Variants in RFC2 observed in about 807,000 individuals in gnomAD.
RFC2 encodes the protein replication factor C subunit 2.
RFC2 carries 34 observed loss-of-function variants against 44.8 expected under a neutral mutation model. The ratio of observed to expected loss-of-function variants is 0.76; its 90% CI spans 0.58 to 1.01. RFC2 has a LOEUF of 1.01. Ranked by LOEUF, RFC2 falls within the 50% of genes least tolerant of loss-of-function variation. RFC2 has a pLI of 0.00. For missense variants in RFC2, 400 were observed against 453.6 expected, an observed-to-expected ratio of 0.88 and a Z score of 1.07; for synonymous variants, 177 against 168.9, an observed-to-expected ratio of 1.05 and a Z score of -0.37.
Position 74,240,048 on chromosome 7 carries a change from C to T in RFC2, c.583G>A (p.Asp195Asn), listed in dbSNP as rs1554719030. ...CAVLRYTKLTDAQILTRLMNV... is the reference protein window; with the variant it reads ...CAVLRYTKLTNAQILTRLMNV... ...ATCAGCCTGGTGAGGATCTGGGCGT[C>T]GGTCAGCTTTGTGTACCGGAGGACT... Residue 195 changes from aspartate (D) to asparagine (N), a missense_variant, in exon 7 of 11, where the codon GAC (aspartate) becomes AAC (asparagine). Asp to Asn is a conservative substitution (Grantham distance 23, BLOSUM62 1). Transcript: ENST00000055077. 1.2e-6 allele frequency: 2 copies of T among 1,614,084 alleles called. No homozygotes were observed. Among genetic ancestry groups the T allele is most frequent in the Non-Finnish European group, 1.7e-6 (2 of 1,179,984 alleles).
chr7:74,246,538 T>C (rs1314926723), intron 5 of RFC2, 124 bp downstream of exon 5: 4 of 580,720 alleles, frequency 6.9e-6, no homozygotes, highest in East Asian at 6.0e-5. Flanking sequence ...CAGGCCCCTA[T>C]TAAATTGCTT....
intron 4 of RFC2, among the ~76,000 whole-genome samples, chr7:74,248,503 T>TG (rs1180323758): frequency 6.7e-6 from 1 of 148,334 alleles, no homozygotes; most frequent in Non-Finnish European, 1.5e-5. Flanking sequence ...AAAAACTAGT[T>TG]GGTTTTTTTT....
chr7:74,253,885 T>C (rs1304021782), intron 1 of RFC2, among the ~76,000 whole-genome samples: 3 of 152,194 alleles, frequency 2.0e-5, no homozygotes, highest in African/African-American at 7.2e-5. Flanking sequence ...GTAAATGTTA[T>C]TGAACCTAAC....
In RFC2 at chr7:74,237,393, C is replaced by A; in HGVS notation, c.809G>T (p.Cys270Phe). ...GGCTTCGTCAATGTTGGCATTCACA[C>A]AGTGCTGGATCATCTCCTTTACCAG... is the stretch of plus-strand genomic sequence containing the variant. ...PLLVKEMIQH[C>F]VNANIDEAYK... The change falls in exon 9 of 11, where the codon TGT becomes TTT. Residue 270 changes from cysteine to phenylalanine, a missense_variant. Cys to Phe is a radical substitution (Grantham distance 205). Coordinates refer to ENST00000055077, the MANE Select transcript of RFC2 (RefSeq NM_181471.3). 1 of 1,606,148 alleles carries A rather than the reference C, an allele frequency of 6.2e-7. No homozygotes were observed. The highest frequency in any genetic ancestry group is 1.1e-5 in the South Asian group (1 of 89,214).
chr7:74,254,100 C>T (rs1554721516), intron 1 of RFC2, among the ~76,000 whole-genome samples, 171 bp downstream of exon 1: 1 of 152,176 alleles, frequency 6.6e-6, no homozygotes, highest in Non-Finnish European at 1.5e-5. Flanking sequence ...CGGCCACTCT[C>T]GATCCATGTC....
intron 4 of RFC2, 126 bp from the exon 5 acceptor site, chr7:74,246,889 G>A: frequency 5.8e-6 from 3 of 519,532 alleles, no homozygotes; most frequent in Admixed American, 3.7e-5. Flanking sequence ...TTTTTTTGGG[G>A]GGCAATTGTA....
At chr7:74,250,657 C>T (rs1393635234) in intron 2 of RFC2, among the ~76,000 whole-genome samples, 3 of 152,132 alleles carry the variant, frequency 2.0e-5, no homozygotes, top group African/African-American at 7.2e-5. Context: ...CTCTCCATCC[C>T]GGCTACCACT....
intron 1 of RFC2, among the ~76,000 whole-genome samples, chr7:74,253,352 C>T (rs1016046922): frequency 4.6e-5 from 7 of 151,884 alleles, no homozygotes; most frequent in Admixed American, 6.6e-5. Context: ...GGATTACTGG[C>T]GTGAGCCACC....
intron 10 of RFC2, chr7:74,233,668 T>A: frequency 2.7e-6 from 1 of 369,192 alleles, no homozygotes; most frequent in African/African-American, 2.1e-5. Flanking sequence ...GGGTGTGATC[T>A]CAGCTCACTG....
intron 9 of RFC2, among the ~76,000 whole-genome samples, chr7:74,236,785 T>G (rs1803035293): frequency 6.6e-6 from 1 of 152,128 alleles, no homozygotes. Flanking sequence ...TGAATTCTAG[T>G]TCTACTGCTT....
At chr7:74,251,598 G>C (rs1209891775) in intron 2 of RFC2, among the ~76,000 whole-genome samples, 1 of 151,658 alleles carries the variant, frequency 6.6e-6, no homozygotes, top group Non-Finnish European at 1.5e-5. Context: ...AGGAGTTCAA[G>C]ACCAGCCTGG....
At position 74,249,751 on chromosome 7, in the gene RFC2, G is replaced by A; in HGVS notation, c.213C>T (p.Asn71=). Residue 71 remains asparagine (N), a synonymous_variant, in exon 3 of 11, where the codon AAC becomes AAT. Coordinates refer to ENST00000055077, the MANE Select transcript of RFC2 (RefSeq NM_181471.3). ...EVFAREGNVP[N]IIIAGPPGTG... Reference sequence around the variant, plus strand: ...GCTGGGTACTCACCGCAATGATGATGTTGGGCACATTTCCTTCCCTTGCAA... The same window carrying A: ...GCTGGGTACTCACCGCAATGATGATATTGGGCACATTTCCTTCCCTTGCAA... The A allele has an allele frequency of 1.2e-6, 2 of 1,613,688 alleles. No individual in the cohort carries two copies. The highest frequency in any genetic ancestry group is 1.7e-6 in the Non-Finnish European group (2 of 1,179,682).
intron 8 of RFC2, 52 bp from the exon 9 acceptor site, chr7:74,237,494 C>A (rs1454505225): frequency 7.9e-7 from 1 of 1,268,648 alleles, no homozygotes. Flanking sequence ...ACAATGTGAG[C>A]GGGGAGGCCC....
intron 5 of RFC2, among the ~76,000 whole-genome samples, chr7:74,244,096 CAAAAAAAAA>C (rs1179272254): frequency 2.4e-5 from 1 of 41,636 alleles, no homozygotes; most frequent in African/African-American, 7.6e-5. Flanking sequence ...ACTAAAAATA[CAAAAAAAAA>C]AAAAAAAAAA....
At chr7:74,251,872 C>A (rs1554721125) in intron 2 of RFC2, among the ~76,000 whole-genome samples, 5 of 137,112 alleles carry the variant, frequency 3.6e-5, no homozygotes, top group East Asian at 2.2e-4. Flanking sequence ...CCGAGGTGGG[C>A]AGATCACGAG....
At chr7:74,241,209 G>A (rs1365919061) in intron 6 of RFC2, among the ~76,000 whole-genome samples, 1 of 152,198 alleles carries the variant, frequency 6.6e-6, no homozygotes, top group African/African-American at 2.4e-5. Context: ...GGGATTACAG[G>A]CATGAGCCAC....
At chr7:74,239,101 G>T in intron 7 of RFC2, 113 bp from the exon 8 acceptor site, 1 of 783,346 alleles carries the variant, frequency 1.3e-6, no homozygotes. Flanking sequence ...GGGCTTAAGC[G>T]ATTCTCCCAC....
chr7:74,241,483 G>T (rs561918455), intron 6 of RFC2, among the ~76,000 whole-genome samples: 1 of 152,360 alleles, frequency 6.6e-6, no homozygotes, highest in South Asian at 2.1e-4. Flanking sequence ...ATGACTTTGT[G>T]GGTGCCATAT....
intron 10 of RFC2, 38 bp from the exon 11 acceptor site, chr7:74,232,254 GGGGGAGTTC>G: frequency 9.3e-7 from 1 of 1,071,862 alleles, no homozygotes; most frequent in Non-Finnish European, 1.4e-6. Context: ...GTTAATAAGT[GGGGGAGTTC>G]TTTTTTAAAA....
Sources: gnomAD v4.1 joint callset for allele counts (sites outside exome capture counted in the v4.1 genomes callset) on GRCh38, gnomAD v4.1.1 for gene constraint, MANE v1.5 for transcripts, NCBI Gene and HGNC (gene_info 2026-07-23, HGNC 2026-07-21) for gene names.